The following CDK14 variants were observed in gnomAD, a reference collection of about 807,000 sequenced individuals.
CDK14 encodes the protein cyclin dependent kinase 14, also known as cyclin-dependent kinase 14.
In CDK14, 34 loss-of-function variants were observed where a neutral mutation model predicts 60.7. That is an observed-to-expected ratio of 0.56 (90% CI 0.43 to 0.75). The LOEUF is 0.75. Ranked by LOEUF, CDK14 falls within the 30% of genes least tolerant of loss-of-function variation. The pLI, the probability that CDK14 is intolerant of heterozygous loss-of-function variation, is 0.00. For synonymous variants in CDK14, 197 were observed against 203.7 expected (o/e 0.97, Z 0.28); for missense variants, 482 against 564.1 (o/e 0.85, Z 1.47).
At chr7:90,714,354 A>ACAG (rs751181374) in intron 2 of CDK14, among the ~76,000 whole-genome samples, 2 of 152,072 alleles carry the variant, frequency 1.3e-5, no homozygotes, top group Non-Finnish European at 2.9e-5. Flanking sequence ...TGACAGACAA[A>ACAG]CAGCAGGATG....
At chr7:90,728,599 A>AT (rs900592414) in intron 3 of CDK14, among the ~76,000 whole-genome samples, 48 of 151,448 alleles carry the variant, frequency 3.2e-4, no homozygotes, top group East Asian at 1.2e-3. Context: ...AGCTTGGGGA[A>AT]TTTTTTTTCC....
chr7:91,028,298 C>CACA (rs1562874418), intron 10 of CDK14, among the ~76,000 whole-genome samples: 1 of 151,684 alleles, frequency 6.6e-6, no homozygotes, highest in Non-Finnish European at 1.5e-5. Context: ...ACACACACAC[C>CACA]CCCCACATTT....
At chr7:90,832,569 GGAAAATACCT>G (rs1160955759) in intron 5 of CDK14, among the ~76,000 whole-genome samples, 3 of 152,118 alleles carry the variant, frequency 2.0e-5, no homozygotes, top group Admixed American at 1.3e-4. Flanking sequence ...ATGTTTAAAA[GGAAAATACCT>G]GAAAATACCT....
At chr7:91,062,379 T>G (rs1797830321) in intron 11 of CDK14, among the ~76,000 whole-genome samples, 1 of 152,088 alleles carries the variant, frequency 6.6e-6, no homozygotes, top group Non-Finnish European at 1.5e-5. Flanking sequence ...CTGCTTCGGC[T>G]CACACTCAGT....
intron 5 of CDK14, among the ~76,000 whole-genome samples, chr7:90,853,920 G>A (rs940942589): frequency 2.0e-5 from 3 of 152,110 alleles, no homozygotes; most frequent in Admixed American, 6.6e-5. Flanking sequence ...CGGCTGTTGC[G>A]AATGGTGAAT....
intron 4 of CDK14, among the ~76,000 whole-genome samples, chr7:90,776,099 A>G (rs1805035378): frequency 6.6e-6 from 1 of 152,206 alleles, no homozygotes; most frequent in African/African-American, 2.4e-5. Context: ...TTTCAAGAGT[A>G]TGTGTAAACA....
At chr7:90,873,860 A>G (rs1158666084) in intron 6 of CDK14, among the ~76,000 whole-genome samples, 1 of 152,036 alleles carries the variant, frequency 6.6e-6, no homozygotes, top group Non-Finnish European at 1.5e-5. Context: ...AAACAAACGT[A>G]CTCACCTTTT....
chr7:90,858,049 C>A (rs1340868926), intron 5 of CDK14, among the ~76,000 whole-genome samples: 1 of 152,138 alleles, frequency 6.6e-6, no homozygotes, highest in Non-Finnish European at 1.5e-5. Context: ...ATTTAACTGA[C>A]AGTGTGTTTC....
intron 1 of CDK14, among the ~76,000 whole-genome samples, chr7:90,601,349 C>T (rs1399402455): frequency 2.0e-5 from 3 of 152,186 alleles, no homozygotes; most frequent in African/African-American, 7.2e-5. Flanking sequence ...GAACATCTGG[C>T]AAAGACATCT....
At position 90,709,766 on chromosome 7, in the gene CDK14, TG is replaced by T; in HGVS notation, c.124-16798del. On this transcript the variant is annotated intron_variant, in intron 2 of 14. Coordinates refer to ENST00000380050, the MANE Select transcript of CDK14 (RefSeq NM_001287135.2). Reference sequence around the variant, plus strand: ...AGATTAGCTTCTCTTAGGGGATTTCTGGGCTTTTTTTTTTTTGCTTGCTTAT... The same window carrying T: ...AGATTAGCTTCTCTTAGGGGATTTCTGGCTTTTTTTTTTTTGCTTGCTTAT... 2.1e-6 allele frequency: 3 copies of T among 1,415,928 alleles called. No homozygotes were observed. In the South Asian group the frequency reaches 4.8e-5, roughly 23 times the overall value. 87.7% of individuals were successfully genotyped at this position (1,415,928 alleles called of 1,614,324 possible). A position where few individuals can be genotyped will look rare whatever the true frequency, so the allele number is the denominator to read the frequency against.
At chr7:90,701,388 C>T (rs1490103625) in intron 2 of CDK14, among the ~76,000 whole-genome samples, 1 of 152,116 alleles carries the variant, frequency 6.6e-6, no homozygotes, top group Non-Finnish European at 1.5e-5. Flanking sequence ...AGCTAATGTT[C>T]TATGGCTTTC....
intron 12 of CDK14, among the ~76,000 whole-genome samples, chr7:91,097,457 C>T (rs1000316426): frequency 6.6e-6 from 1 of 151,930 alleles, no homozygotes; most frequent in Non-Finnish European, 1.5e-5. Context: ...TTTTCTTGGA[C>T]CTCTATACAT....
At chr7:90,948,581 A>T (rs1249146445) in intron 8 of CDK14, among the ~76,000 whole-genome samples, 8 of 152,236 alleles carry the variant, frequency 5.3e-5, no homozygotes, top group Non-Finnish European at 1.2e-4. Context: ...GGTACTAAAT[A>T]TCATAGCCTA....
At chr7:90,808,307 T>C (rs1788943526) in intron 5 of CDK14, among the ~76,000 whole-genome samples, 1 of 152,200 alleles carries the variant, frequency 6.6e-6, no homozygotes, top group Non-Finnish European at 1.5e-5. Flanking sequence ...TGGGGGCCAA[T>C]ATTCAACATT....
intron 7 of CDK14, among the ~76,000 whole-genome samples, chr7:90,914,003 T>C (rs1346503727): frequency 6.6e-6 from 1 of 152,208 alleles, no homozygotes; most frequent in African/African-American, 2.4e-5. Context: ...AAAAGTTTTC[T>C]AATGGTTTTC....
intron 2 of CDK14, among the ~76,000 whole-genome samples, chr7:90,636,791 G>T (rs1201039139): frequency 2.0e-5 from 3 of 152,160 alleles, no homozygotes; most frequent in Non-Finnish European, 4.4e-5. Flanking sequence ...GTAAGCTATT[G>T]ATTATTGCCG....
At chr7:90,961,728 A>G (rs992796969) in intron 9 of CDK14, among the ~76,000 whole-genome samples, 48 of 152,378 alleles carry the variant, frequency 3.2e-4, no homozygotes, top group African/African-American at 1.0e-3. Flanking sequence ...CAACATAACA[A>G]AAGAACTGGG....
chr7:90,754,624 A>G (rs1248228473), intron 4 of CDK14, among the ~76,000 whole-genome samples: 1 of 152,192 alleles, frequency 6.6e-6, no homozygotes, highest in Non-Finnish European at 1.5e-5. Context: ...GCCAAAATTG[A>G]TAAGTGGGAC....
intron 3 of CDK14, among the ~76,000 whole-genome samples, chr7:90,729,064 C>G (rs1802747213): frequency 6.6e-6 from 1 of 150,788 alleles, no homozygotes. Context: ...CGGTATGACT[C>G]TTCAATCTGA....
Sources: gnomAD v4.1 joint callset for allele counts (sites outside exome capture counted in the v4.1 genomes callset) on GRCh38, gnomAD v4.1.1 for gene constraint, MANE v1.5 for transcripts, NCBI Gene and HGNC (gene_info 2026-07-23, HGNC 2026-07-21) for gene names.